Variants in ITGA2 observed in about 807,000 individuals in gnomAD.
The protein encoded by ITGA2 is integrin subunit alpha 2, also known as integrin alpha-2.
Under a neutral mutation model 146.3 loss-of-function variants are expected in ITGA2, and 101 were observed. That is an observed-to-expected ratio of 0.69 (90% CI 0.59 to 0.81). ITGA2 has a LOEUF of 0.81. ITGA2 is among the 40% of genes least tolerant of loss of function. The pLI is 0.00. For missense variants in ITGA2, 1,281 were observed against 1,402.7 expected (o/e 0.91, Z 1.39); for synonymous variants, 477 against 487.1 (o/e 0.98, Z 0.27).
rs933388948 is a variant in ITGA2, at chr5:53,043,594, G to T, written c.295+1373G>T. Among the ~76,000 whole-genome samples the T allele has an allele frequency of 1.4e-4, 22 of 151,990 alleles. 1 individual carries two copies. The highest frequency in any genetic ancestry group is 2.9e-5 in the Non-Finnish European group (2 of 68,010). ...AGTGAATGTACAAGGAGTGAAAGTT[G>T]ACCTCCATTTCCAGAAGTTCAGCAG... On this transcript the variant is annotated intron_variant, in intron 3 of 29. Coordinates refer to ENST00000296585, the MANE Select transcript of ITGA2 (RefSeq NM_002203.4).
In ITGA2 at chr5:53,077,411, A is replaced by G. The variant is rs574595011; in HGVS notation, c.2826-1361A>G. On this transcript the variant is annotated intron_variant, in intron 23 of 29. Coordinates refer to ENST00000296585, the MANE Select transcript of ITGA2 (RefSeq NM_002203.4). Reference sequence around the variant, plus strand: ...AAAAATGATGGGTAGAAATAGCGATAATAGTATTATTTCTGAAGCAGGATC... The same window carrying G: ...AAAAATGATGGGTAGAAATAGCGATGATAGTATTATTTCTGAAGCAGGATC... Among the ~76,000 whole-genome samples, 41 of 152,206 alleles carry G rather than the reference A, an allele frequency of 2.7e-4. No individual in the cohort carries two copies. In the East Asian group the frequency reaches 8.0e-3, roughly 30 times the overall value.
chr5:53,044,522 A>G (rs1215635608), intron 3 of ITGA2, among the ~76,000 whole-genome samples: 1 of 151,906 alleles, frequency 6.6e-6, no homozygotes, highest in Admixed American at 6.6e-5. Context: ...TTTATTTAGT[A>G]TATTATATGA....
chr5:53,021,560 T>G (rs559802972), intron 1 of ITGA2, among the ~76,000 whole-genome samples: 1 of 152,184 alleles, frequency 6.6e-6, no homozygotes, highest in African/African-American at 2.4e-5. Context: ...TGATCACTAT[T>G]GCACCACGGC....
chr5:53,021,434 G>A (rs1177671044), intron 1 of ITGA2, among the ~76,000 whole-genome samples: 3 of 152,136 alleles, frequency 2.0e-5, no homozygotes, highest in Admixed American at 6.5e-5. Flanking sequence ...CACACAGAGA[G>A]CCTAAGTGCC....
chr5:53,056,316 A>G (rs144597139), intron 9 of ITGA2, among the ~76,000 whole-genome samples, 167 bp downstream of exon 9: 4 of 152,236 alleles, frequency 2.6e-5, no homozygotes, highest in African/African-American at 9.6e-5. Context: ...TTTATAAATG[A>G]TAAAATACAA....
Position 53,072,691 on chromosome 5 carries a change from G to T in ITGA2, c.2425G>T (p.Ala809Ser), listed in dbSNP as rs759945446. ...CCTAGATGTCCGACAAATACCAGCT[G>T]CTCAGTAAGTTTTACTTTAAAGCTT... ...LVLDVRQIPA[A>S]QEQPFIVSNQ... The change falls in exon 19 of 30, where the codon GCT becomes TCT. Residue 809 changes from alanine (A) to serine (S), a missense_variant. Around this residue, in one of 3 missense-constraint regions of ITGA2, gnomAD observed 475 missense variants for 530.5 expected, o/e 0.90. Coordinates refer to ENST00000296585, the MANE Select transcript of ITGA2 (RefSeq NM_002203.4). 1.9e-6 allele frequency: 3 copies of T among 1,606,638 alleles called. No homozygotes were observed. Among genetic ancestry groups the T allele is most frequent in the Non-Finnish European group, 2.6e-6 (3 of 1,175,566 alleles).
intron 13 of ITGA2, among the ~76,000 whole-genome samples, chr5:53,063,477 A>G (rs3212548): frequency 0.11 from 16,926 of 151,892 alleles, 1,142 homozygotes; most frequent in African/African-American, 0.19. Flanking sequence ...AACACCATAC[A>G]TTAACATGGC....
At chr5:53,081,758 G>T in intron 26 of ITGA2, 62 bp downstream of exon 26, 1 of 1,127,710 alleles carries the variant, frequency 8.9e-7, no homozygotes, top group South Asian at 1.3e-5. Context: ...TGATCAGGAC[G>T]CTGCTTTTCT....
chr5:53,056,140 A>G lies in ITGA2; in HGVS notation c.1087A>G (p.Ser363Gly), dbSNP rs954929408. 3.7e-5 allele frequency: 60 copies of G among 1,611,256 alleles called. No individual in the cohort carries two copies. Among genetic ancestry groups the G allele is most frequent in the Non-Finnish European group, 4.8e-5 (56 of 1,178,496 alleles). The part of the protein sequence containing the change: ...KAGTLGEQIF[S>G]IEGTVQGGDN... Reference sequence around the variant, plus strand: ...TGGGACATTAGGAGAACAAATTTTCAGCATTGAAGGTAAAAAAAATAACCT... The same window carrying G: ...TGGGACATTAGGAGAACAAATTTTCGGCATTGAAGGTAAAAAAAATAACCT... The change falls in exon 9 of 30, where the codon AGC becomes GGC. Residue 363 changes from serine to glycine, a missense_variant. By Grantham distance (56) the Ser-to-Gly change is moderately conservative. Coordinates refer to ENST00000296585, the MANE Select transcript of ITGA2 (RefSeq NM_002203.4).
chr5:53,019,818 G>A (rs1742586351), intron 1 of ITGA2, among the ~76,000 whole-genome samples: 1 of 152,144 alleles, frequency 6.6e-6, no homozygotes, highest in Non-Finnish European at 1.5e-5. Flanking sequence ...GAGCCACCAT[G>A]CCTGGCCAAG....
chr5:53,015,421 T>C (rs944749226), intron 1 of ITGA2, among the ~76,000 whole-genome samples: 18 of 152,154 alleles, frequency 1.2e-4, no homozygotes, highest in African/African-American at 3.4e-4. Context: ...ATCTTCTCAG[T>C]ATTGATTTCT....
chr5:53,051,503 G>A lies in ITGA2; in HGVS notation c.723G>A (p.Gln241=). The part of the protein sequence containing the change: ...TKEEMIVATS[Q]TSQYGGDLTN... The stretch of plus-strand genomic sequence containing the variant: ...AAGAAATGATTGTAGCAACATCCCA[G>A]ACATCCCAATATGGTGGGGACCTCA... Residue 241 remains glutamine (Q), a synonymous_variant, in exon 7 of 30, where the codon CAG becomes CAA. Transcript: ENST00000296585. The A allele has an allele frequency of 6.2e-7, 1 of 1,613,610 alleles. No homozygotes were observed. Among genetic ancestry groups the A allele is most frequent in the South Asian group, 1.1e-5 (1 of 91,070 alleles).
Position 53,048,419 on chromosome 5 carries a change from G to C in ITGA2, c.444G>C (p.Val148=), listed in dbSNP as rs1165335834. Residue 148 remains valine, a synonymous_variant, in exon 5 of 30, where the codon GTG becomes GTC. Coordinates refer to ENST00000296585, the MANE Select transcript of ITGA2 (RefSeq NM_002203.4). ...QCGNQYYTTG[V]CSDISPDFQL... ...GGAATCAGTATTACACAACGGGTGTGTGTTCTGACATCAGTCCTGATTTTC... is the reference window on the plus strand; with the variant it reads ...GGAATCAGTATTACACAACGGGTGTCTGTTCTGACATCAGTCCTGATTTTC... 8 of 1,614,034 alleles carry C rather than the reference G, an allele frequency of 5.0e-6. No individual in the cohort carries two copies. The highest frequency in any genetic ancestry group is 5.9e-6 in the Non-Finnish European group (7 of 1,180,008).
intron 1 of ITGA2, among the ~76,000 whole-genome samples, chr5:53,004,280 A>G (rs1741721713): frequency 6.6e-6 from 1 of 152,220 alleles, no homozygotes; most frequent in African/African-American, 2.4e-5. Context: ...CTGGAGAGTA[A>G]GTTAAATCCC....
At position 53,060,022 on chromosome 5, in the gene ITGA2, G is replaced by A; in HGVS notation, c.1312+10G>A. 6.2e-7 allele frequency: 1 copy of A among 1,611,828 alleles called. No individual in the cohort carries two copies. The highest frequency in any genetic ancestry group is 8.5e-7 in the Non-Finnish European group (1 of 1,178,594). On this transcript the variant is annotated intron_variant, in intron 11 of 29. Transcript: ENST00000296585. ...CACAGTTCATATTTAGGTAAGGCAT[G>A]GTAATAATTGGCTCAGCAAACTTAA...
intron 21 of ITGA2, 137 bp from the exon 22 acceptor site, chr5:53,074,924 C>T (rs1002292740): frequency 1.5e-6 from 1 of 665,276 alleles, no homozygotes; most frequent in African/African-American, 1.8e-5. Context: ...AGATATTCCA[C>T]AAATTTGAAA....
At chr5:53,038,453 A>C (rs376944216) in intron 2 of ITGA2, among the ~76,000 whole-genome samples, 1 of 152,274 alleles carries the variant, frequency 6.6e-6, no homozygotes, top group East Asian at 1.9e-4. Flanking sequence ...TAGGCCCCAC[A>C]GTATGGATGT....
At chr5:53,049,909 G>A (rs990092211) in intron 6 of ITGA2, among the ~76,000 whole-genome samples, 2 of 151,994 alleles carry the variant, frequency 1.3e-5, no homozygotes, top group Non-Finnish European at 2.9e-5. Context: ...TTGCTTCTCT[G>A]CTTTCCTGTT....
In ITGA2 at chr5:53,072,683, TA is replaced by T. The variant is rs766068224; in HGVS notation, c.2418del (p.Pro807GlnfsTer17). Reference sequence around the variant, plus strand: ...GATCTAGTCCTAGATGTCCGACAAATACCAGCTGCTCAGTAAGTTTTACTTT... The same window carrying T: ...GATCTAGTCCTAGATGTCCGACAAATCCAGCTGCTCAGTAAGTTTTACTTT... ...ISDLVLDVRQIPAAQEQPFIV... is the reference protein window; with the variant it reads ...ISDLVLDVRQXPAAQEQPFIV... On this transcript the variant is annotated frameshift_variant, in exon 19 of 30. Coordinates refer to ENST00000296585, the MANE Select transcript of ITGA2 (RefSeq NM_002203.4). LOFTEE classifies it high-confidence loss of function. The T allele has an allele frequency of 9.3e-5, 150 of 1,608,630 alleles. No individual in the cohort carries two copies. Among genetic ancestry groups the T allele is most frequent in the Non-Finnish European group, 1.2e-4 (145 of 1,176,940 alleles).
Sources: allele counts gnomAD v4.1 joint callset (sites outside exome capture counted in the v4.1 genomes callset), GRCh38; gene constraint gnomAD v4.1.1; regional missense constraint gnomAD v4.1.1; transcripts MANE v1.5; gene names NCBI Gene and HGNC (gene_info 2026-07-23, HGNC 2026-07-21).